Variants in PCDHGB6 observed in about 807,000 individuals in gnomAD.
The protein encoded by PCDHGB6 is protocadherin gamma-B6.
In PCDHGB6, 51 loss-of-function variants were observed where a neutral mutation model predicts 59.1. That is an observed-to-expected ratio of 0.86 (90% CI 0.69 to 1.09). The LOEUF is 1.09. Among genes scored for constraint, PCDHGB6 ranks in the 50% least tolerant of loss-of-function variants. The pLI is 0.00. For synonymous variants in PCDHGB6, 466 were observed against 495.1 expected, an observed-to-expected ratio of 0.94 and a Z score of 0.78; for missense variants, 1,148 against 1,205.1, an observed-to-expected ratio of 0.95 and a Z score of 0.70.
chr5:141,477,804 A>G lies in PCDHGB6; in HGVS notation c.2419-17003A>G. The G allele has an allele frequency of 6.2e-7, 1 of 1,614,088 alleles. No individual in the cohort carries two copies. ...ATATTTGTCACTGATCGCAATGACA[A>G]TGCCCCCCAGGTCCTATATCCTCGG... On this transcript the variant is annotated intron_variant, in intron 1 of 3. Transcript: ENST00000520790. The surrounding 1 kb of genome is among the most constrained non-coding windows in gnomAD (Gnocchi z 4.9).
In PCDHGB6 at chr5:141,431,430, G is replaced by A; in HGVS notation, c.2418+20810G>A. ...GACGGGGGCGACCCGGTGCGCACAG[G>A]CACCGCGCGCATCCGCGTGATGGTT... is the stretch of plus-strand genomic sequence containing the variant. On this transcript the variant is annotated intron_variant, in intron 1 of 3. Coordinates refer to ENST00000520790, the MANE Select transcript of PCDHGB6 (RefSeq NM_018926.3). The surrounding 1 kb of genome is among the most constrained non-coding windows in gnomAD (Gnocchi z 4.8). 1 of 1,613,680 alleles carries A rather than the reference G, an allele frequency of 6.2e-7. No individual in the cohort carries two copies. The highest frequency in any genetic ancestry group is 8.5e-7 in the Non-Finnish European group (1 of 1,180,018).
At chr5:141,428,312 C>A in intron 1 of PCDHGB6, 1 of 671,484 alleles carries the variant, frequency 1.5e-6, no homozygotes, top group Non-Finnish European at 2.7e-6. Flanking sequence ...CTGGTCGTGG[C>A]CTTGGCCTTG....
Position 141,459,563 on chromosome 5 carries a change from C to T in PCDHGB6, c.2419-35244C>T, listed in dbSNP as rs1382676727. On this transcript the variant is annotated intron_variant, in intron 1 of 3. Coordinates refer to ENST00000520790, the MANE Select transcript of PCDHGB6 (RefSeq NM_018926.3). ...TTTTATTTCTCTTGGATAAATACCCCAAAACAGAATTGTTTTGGGGGTCAT... is the reference window on the plus strand; with the variant it reads ...TTTTATTTCTCTTGGATAAATACCCTAAAACAGAATTGTTTTGGGGGTCAT... Among the ~76,000 whole-genome samples, 21 of 152,044 alleles carry T rather than the reference C, an allele frequency of 1.4e-4. 1 individual carries two copies.
chr5:141,476,421 C>T lies in PCDHGB6; in HGVS notation c.2419-18386C>T, dbSNP rs765688262. On this transcript the variant is annotated intron_variant, in intron 1 of 3. Coordinates refer to ENST00000520790, the MANE Select transcript of PCDHGB6 (RefSeq NM_018926.3). The surrounding 1 kb of genome is among the most constrained non-coding windows in gnomAD (Gnocchi z 7.6). ...CGAGAGGAGCTGTGTGGGACACTGC[C>T]CTCTTGCACTGTAACTCTGGAGTTG... 1 of 1,614,026 alleles carries T rather than the reference C, an allele frequency of 6.2e-7. No homozygotes were observed. The highest frequency in any genetic ancestry group is 8.5e-7 in the Non-Finnish European group (1 of 1,179,994).
chr5:141,506,896 T>C (rs1417106112), intron 3 of PCDHGB6, among the ~76,000 whole-genome samples: 3 of 152,158 alleles, frequency 2.0e-5, no homozygotes, highest in African/African-American at 7.2e-5. Flanking sequence ...CAAGAAGCAC[T>C]GTCATCACAC....
intron 1 of PCDHGB6, among the ~76,000 whole-genome samples, chr5:141,462,211 C>T (rs543979258): frequency 2.0e-5 from 3 of 151,998 alleles, no homozygotes; most frequent in South Asian, 2.1e-4. Context: ...CCGCCTGCCT[C>T]GGCCTCCCAA....
chr5:141,485,177 C>T lies in PCDHGB6; in HGVS notation c.2419-9630C>T. ...AGAGAATTAGCGGGCGGCAGCAATG[C>T]TCCGCAAGGTGAGAAGCTGGACAGA... On this transcript the variant is annotated intron_variant, in intron 1 of 3. Coordinates refer to ENST00000520790, the MANE Select transcript of PCDHGB6 (RefSeq NM_018926.3). This position sits in a 1 kb window ranked among gnomAD's most constrained non-coding sequence, Gnocchi z 5.7. 1 of 1,612,024 alleles carries T rather than the reference C, an allele frequency of 6.2e-7. No homozygotes were observed. Among genetic ancestry groups the T allele is most frequent in the South Asian group, 1.1e-5 (1 of 90,956 alleles).
At chr5:141,472,620 A>G (rs2099290656) in intron 1 of PCDHGB6, among the ~76,000 whole-genome samples, 1 of 152,136 alleles carries the variant, frequency 6.6e-6, no homozygotes, top group Admixed American at 6.5e-5. Context: ...AGAAGAAAAA[A>G]GATAAAGACT....
intron 3 of PCDHGB6, among the ~76,000 whole-genome samples, chr5:141,508,837 A>C (rs1596180024): frequency 6.7e-6 from 1 of 149,276 alleles, no homozygotes; most frequent in Non-Finnish European, 1.5e-5. Context: ...CCCCTCCCCT[A>C]CCCCTTCCAT....
chr5:141,423,132 C>T (rs375287728), intron 1 of PCDHGB6: 41 of 1,613,540 alleles, frequency 2.5e-5, no homozygotes, highest in Non-Finnish European at 3.3e-5. Flanking sequence ...CACTGCTGGA[C>T]AGAGACGCGC....
At position 141,431,633 on chromosome 5, in the gene PCDHGB6, T is replaced by G; in HGVS notation, c.2418+21013T>G. On this transcript the variant is annotated intron_variant, in intron 1 of 3. Coordinates refer to ENST00000520790, the MANE Select transcript of PCDHGB6 (RefSeq NM_018926.3). This position sits in a 1 kb window ranked among gnomAD's most constrained non-coding sequence, Gnocchi z 4.8. Reference sequence around the variant, plus strand: ...TGTGGACGACAAGGCGGCCCAAGTTTTCAAACTAGATTGTAATTCAGGGAC... The same window carrying G: ...TGTGGACGACAAGGCGGCCCAAGTTGTCAAACTAGATTGTAATTCAGGGAC... 6.2e-7 allele frequency: 1 copy of G among 1,614,240 alleles called. No individual in the cohort carries two copies. Among genetic ancestry groups the G allele is most frequent in the Non-Finnish European group, 8.5e-7 (1 of 1,180,048 alleles).
rs1207647899 is a variant in PCDHGB6, at chr5:141,491,938, C to T, written c.2419-2869C>T. The T allele has an allele frequency of 1.6e-5, 19 of 1,199,190 alleles. No homozygotes were observed. Among genetic ancestry groups the T allele is most frequent in the Non-Finnish European group, 2.1e-5 (18 of 875,372 alleles). 74.3% of individuals were successfully genotyped at this position (1,199,190 alleles called of 1,614,324 possible). ...TGTGGGCGAGGGGAGGTGGGACCGA[C>T]CCCCACCCCTACACTCAAAAAAGGC... is the stretch of plus-strand genomic sequence containing the variant. On this transcript the variant is annotated intron_variant, in intron 1 of 3. Coordinates refer to ENST00000520790, the MANE Select transcript of PCDHGB6 (RefSeq NM_018926.3). This position sits in a 1 kb window ranked among gnomAD's most constrained non-coding sequence, Gnocchi z 6.9.
rs1419985074 is a variant in PCDHGB6, at chr5:141,431,009, T to C, written c.2418+20389T>C. On this transcript the variant is annotated intron_variant, in intron 1 of 3. Transcript: ENST00000520790. The surrounding 1 kb of genome is among the most constrained non-coding windows in gnomAD (Gnocchi z 4.8). ...CGCCCTGAATCCGCGCAGCGGCAGC[T>C]TGGTCACGGCGGGCAGGATAGACCG... The C allele has an allele frequency of 3.7e-6, 6 of 1,613,884 alleles. No individual in the cohort carries two copies. Among genetic ancestry groups the C allele is most frequent in the Non-Finnish European group, 5.1e-6 (6 of 1,179,984 alleles).
intron 1 of PCDHGB6, among the ~76,000 whole-genome samples, chr5:141,449,560 GC>G (rs1487612909): frequency 6.9e-6 from 1 of 145,056 alleles, no homozygotes; most frequent in Non-Finnish European, 1.5e-5. Flanking sequence ...CTGCACTCCA[GC>G]CTGGGCGACA....
In PCDHGB6 at chr5:141,511,406, G is replaced by C; in HGVS notation, c.*233G>C. The C allele has an allele frequency of 1.1e-6, 1 of 942,018 alleles. No individual in the cohort carries two copies. The highest frequency in any genetic ancestry group is 1.7e-5 in the African/African-American group (1 of 60,280). The allele number at this position is 942,018 out of a possible 1,614,324, so 58.4% of individuals were successfully genotyped here. ...GCTGGGAACCCCCATCCAATCAACT[G>C]CTGTACCCATGGGGGTAGTGGGGTT... On this transcript the variant is annotated 3_prime_UTR_variant, in exon 4 of 4. Coordinates refer to ENST00000520790, the MANE Select transcript of PCDHGB6 (RefSeq NM_018926.3).
At chr5:141,437,944 G>A (rs576107104) in intron 1 of PCDHGB6, among the ~76,000 whole-genome samples, 1 of 152,178 alleles carries the variant, frequency 6.6e-6, no homozygotes, top group South Asian at 2.1e-4. Flanking sequence ...CACCATATTG[G>A]CCAGAATGGT....
At position 141,490,276 on chromosome 5, in the gene PCDHGB6, A is replaced by T; in HGVS notation, c.2419-4531A>T. 1 of 1,614,236 alleles carries T rather than the reference A, an allele frequency of 6.2e-7. No individual in the cohort carries two copies. Among genetic ancestry groups the T allele is most frequent in the Non-Finnish European group, 8.5e-7 (1 of 1,180,036 alleles). On this transcript the variant is annotated intron_variant, in intron 1 of 3. Transcript: ENST00000520790. This position sits in a 1 kb window ranked among gnomAD's most constrained non-coding sequence, Gnocchi z 5.4. ...AGTGGATGTGGGGGATGTCAATGACAATGCCCCAGAGGTGCTATTGGCCTC... is the reference window on the plus strand; with the variant it reads ...AGTGGATGTGGGGGATGTCAATGACTATGCCCCAGAGGTGCTATTGGCCTC...
chr5:141,419,264 G>T (rs2096351955), intron 1 of PCDHGB6: 1 of 1,614,036 alleles, frequency 6.2e-7, no homozygotes, highest in Non-Finnish European at 8.5e-7. Context: ...CCAGCCGGGT[G>T]CCTCCATAGC....
intron 1 of PCDHGB6, chr5:141,427,677 C>T: frequency 1.2e-6 from 1 of 816,672 alleles, no homozygotes; most frequent in Non-Finnish European, 2.1e-6. Flanking sequence ...AAACAACCTT[C>T]CCGGAGCCTC....
Sources: gnomAD v4.1 joint callset for allele counts (sites outside exome capture counted in the v4.1 genomes callset) on GRCh38, gnomAD v4.1.1 for gene constraint, Gnocchi (gnomAD v3.1) non-coding constraint, MANE v1.5 for transcripts, NCBI Gene and HGNC (gene_info 2026-07-23, HGNC 2026-07-21) for gene names.